Variants in AGBL1 observed in about 807,000 individuals in gnomAD.
The protein encoded by AGBL1 is cytosolic carboxypeptidase 4.
AGBL1 carries 130 observed loss-of-function variants against 118.9 expected under a neutral mutation model. The observed-to-expected ratio is 1.09, with a 90% CI of 0.95 to 1.26. The LOEUF (loss-of-function observed/expected upper bound fraction) is 1.26, where lower values mean the gene tolerates loss of function less well. Among genes scored for constraint, AGBL1 ranks in the 50% most tolerant of loss-of-function variants. The probability of loss-of-function intolerance (pLI) is 0.00; values close to 1 mark genes in which losing one functional copy is unlikely to be tolerated. For missense variants in AGBL1, 1,584 were observed against 1,298.1 expected (o/e 1.22, Z -3.38); for synonymous variants, 555 against 478.9 (o/e 1.16, Z -2.08).
chr15:86,199,254 G>A, intron 5 of AGBL1, among the ~76,000 whole-genome samples: 1 of 152,040 alleles, frequency 6.6e-6, no homozygotes, highest in African/African-American at 2.4e-5. Context: ...AACCACTTCA[G>A]TATGGGAGAA....
intron 22 of AGBL1, among the ~76,000 whole-genome samples, chr15:86,882,243 T>C (rs1436605043): frequency 2.6e-5 from 4 of 152,172 alleles, no homozygotes; most frequent in Non-Finnish European, 5.9e-5. Context: ...TCCTCAGAAT[T>C]AAATAAGTGG....
In AGBL1 at chr15:86,701,781, C is replaced by T. The variant is rs149108904; in HGVS notation, c.3158+27345C>T. On this transcript the variant is annotated intron_variant, in intron 22 of 22. Coordinates refer to ENST00000614907, the MANE Select transcript of AGBL1 (RefSeq NM_001386094.1). ...TTTCCCCTTCCTTTCACTCCTCTCC[C>T]CTCCCCACTCCTTCCTTCCCTCCTT... Among the ~76,000 whole-genome samples the T allele has an allele frequency of 1.6e-3, 237 of 149,338 alleles. 3 individuals carry two copies. The East Asian group carries it at 0.021, about 13-fold the overall frequency.
chr15:86,807,136 G>A (rs2078725974), intron 22 of AGBL1, among the ~76,000 whole-genome samples: 1 of 152,090 alleles, frequency 6.6e-6, no homozygotes, highest in Non-Finnish European at 1.5e-5. Context: ...ACATAGGGGT[G>A]GGTAAAGATC....
intron 1 of AGBL1, among the ~76,000 whole-genome samples, chr15:86,140,754 G>C (rs1245042641): frequency 6.6e-6 from 1 of 152,152 alleles, no homozygotes; most frequent in East Asian, 1.9e-4. Context: ...GAAAAGTGCG[G>C]CTGGAAGAGG....
chr15:86,502,098 T>A (rs2082924139), intron 18 of AGBL1, among the ~76,000 whole-genome samples: 1 of 151,630 alleles, frequency 6.6e-6, no homozygotes, highest in African/African-American at 2.4e-5. Context: ...TTTGTTGAAG[T>A]GCTCTTTAAT....
chr15:86,554,482 C>T lies in AGBL1; in HGVS notation c.2939C>T (p.Ser980Phe). 1.9e-6 allele frequency: 3 copies of T among 1,583,596 alleles called. No homozygotes were observed. The highest frequency in any genetic ancestry group is 2.6e-6 in the Non-Finnish European group (3 of 1,165,696). Residue 980 changes from serine to phenylalanine, a missense_variant, in exon 21 of 23, where the codon TCC becomes TTC. Ser to Phe is a radical substitution (Grantham distance 155). Coordinates refer to ENST00000614907, the MANE Select transcript of AGBL1 (RefSeq NM_001386094.1). ...RVVVWREMGV[S>F]RSYTMESSYC... ...GTGGTGTGGAGAGAGATGGGGGTGT[C>T]CAGAAGCTACACCATGGAAAGCAGC...
At chr15:86,547,434 A>G (rs1359284665) in intron 20 of AGBL1, among the ~76,000 whole-genome samples, 1 of 152,148 alleles carries the variant, frequency 6.6e-6, no homozygotes, top group Non-Finnish European at 1.5e-5. Context: ...AAGACACAGA[A>G]CCTTTAAAAA....
intron 1 of AGBL1, among the ~76,000 whole-genome samples, chr15:86,082,875 G>T (rs1157000042): frequency 1.3e-5 from 2 of 152,222 alleles, no homozygotes; most frequent in Non-Finnish European, 2.9e-5. Context: ...CAGCACAGGT[G>T]CGAGAGGCAG....
intron 23 of AGBL1, among the ~76,000 whole-genome samples, chr15:86,971,295 CT>C: frequency 6.6e-6 from 1 of 152,024 alleles, no homozygotes; most frequent in Non-Finnish European, 1.5e-5. Flanking sequence ...TTCTTATGCC[CT>C]TTTTTGAGTA....
chr15:86,096,070 T>C (rs1896361478), intron 1 of AGBL1, among the ~76,000 whole-genome samples: 1 of 152,186 alleles, frequency 6.6e-6, no homozygotes, highest in South Asian at 2.1e-4. Context: ...AATTTTTTTG[T>C]TTCTTTTTCT....
At chr15:86,541,252 A>ATCACC (rs1002755336) in intron 19 of AGBL1, among the ~76,000 whole-genome samples, 14 of 152,176 alleles carry the variant, frequency 9.2e-5, no homozygotes, top group African/African-American at 3.4e-4. Flanking sequence ...GGGCATGAGC[A>ATCACC]TCACCCGGAA....
chr15:86,996,799 T>C (rs1045076595), intron 24 of AGBL1, among the ~76,000 whole-genome samples: 1 of 152,198 alleles, frequency 6.6e-6, no homozygotes, highest in African/African-American at 2.4e-5. Context: ...AGCAACGCTA[T>C]TGCTCATACT....
At chr15:86,629,094 A>C (rs544110931) in intron 21 of AGBL1, among the ~76,000 whole-genome samples, 28 of 152,078 alleles carry the variant, frequency 1.8e-4, no homozygotes, top group Non-Finnish European at 2.9e-4. Flanking sequence ...GAATTTACTC[A>C]TTTTATAGCT....
At chr15:86,526,096 C>CT (rs747746163) in intron 19 of AGBL1, among the ~76,000 whole-genome samples, 19 of 152,124 alleles carry the variant, frequency 1.2e-4, no homozygotes, top group Non-Finnish European at 1.9e-4. Context: ...ATATGAGTGA[C>CT]CAAGAAACAT....
At chr15:86,830,034 A>G (rs1325542841) in intron 22 of AGBL1, among the ~76,000 whole-genome samples, 1 of 152,134 alleles carries the variant, frequency 6.6e-6, no homozygotes, top group Admixed American at 6.5e-5. Flanking sequence ...ACTTACCACC[A>G]GGTATGATTC....
chr15:86,097,583 A>G lies in AGBL1; in HGVS notation c.51+17560A>G, dbSNP rs143053820. Among the ~76,000 whole-genome samples, 350 of 145,208 alleles carry G rather than the reference A, an allele frequency of 2.4e-3. 1 individual carries two copies. The highest frequency in any genetic ancestry group is 8.6e-3 in the African/African-American group (331 of 38,702). On this transcript the variant is annotated intron_variant, in intron 1 of 22. Coordinates refer to ENST00000614907, the MANE Select transcript of AGBL1 (RefSeq NM_001386094.1). ...CCACGTATGAGCGAGAACATGCAAT[A>G]TTTGTCTTTCTGTGCCTGGCTTGTT...
intron 22 of AGBL1, among the ~76,000 whole-genome samples, chr15:86,718,927 T>A (rs1025204839): frequency 8.5e-5 from 13 of 152,158 alleles, no homozygotes; most frequent in Non-Finnish European, 8.8e-5. Context: ...ATAAATTTGA[T>A]TGGAATCCCT....
At chr15:86,237,357 C>T (rs1411729203) in intron 6 of AGBL1, among the ~76,000 whole-genome samples, 1 of 152,130 alleles carries the variant, frequency 6.6e-6, no homozygotes, top group Non-Finnish European at 1.5e-5. Flanking sequence ...CAACGCAGGG[C>T]AGAATTGCTT....
At chr15:86,968,373 G>A (rs1158550517) in intron 23 of AGBL1, among the ~76,000 whole-genome samples, 2 of 151,868 alleles carry the variant, frequency 1.3e-5, no homozygotes, top group East Asian at 3.9e-4. Flanking sequence ...GGAAAAAAAC[G>A]ACTTCTAAGC....
Sources: allele counts gnomAD v4.1 joint callset (sites outside exome capture counted in the v4.1 genomes callset), GRCh38; gene constraint gnomAD v4.1.1; transcripts MANE v1.5; gene names NCBI Gene and HGNC (gene_info 2026-07-23, HGNC 2026-07-21).